ASTN2: variants seen among roughly 807,000 people sequenced by gnomAD.
ASTN2 encodes astrotactin 2, also known as astrotactin-2.
ASTN2 carries 54 observed loss-of-function variants against 139.8 expected under a neutral mutation model. That is an observed-to-expected ratio of 0.39 (90% CI 0.31 to 0.48). The LOEUF is 0.48. Among genes scored for constraint, ASTN2 ranks in the 20% least tolerant of loss-of-function variants. ASTN2 has a pLI of 0.95. For missense variants in ASTN2, 1,565 were observed against 1,725.1 expected, an observed-to-expected ratio of 0.91 and a Z score of 1.64; for synonymous variants, 756 against 719.5, an observed-to-expected ratio of 1.05 and a Z score of -0.81.
chr9:117,155,674 C>T (rs1830417793), intron 3 of ASTN2, among the ~76,000 whole-genome samples: 1 of 152,012 alleles, frequency 6.6e-6, no homozygotes, highest in African/African-American at 2.4e-5. Flanking sequence ...GTATCCTCCT[C>T]CTCTTCCTTA....
intron 12 of ASTN2, among the ~76,000 whole-genome samples, chr9:116,812,990 A>G (rs1372125125): frequency 6.6e-6 from 1 of 152,110 alleles, no homozygotes; most frequent in African/African-American, 2.4e-5. Flanking sequence ...AGGAAGGTTT[A>G]TGCTAAGGTC....
chr9:116,732,360 T>C (rs895077954), intron 14 of ASTN2, among the ~76,000 whole-genome samples: 2 of 152,174 alleles, frequency 1.3e-5, no homozygotes, highest in Non-Finnish European at 2.9e-5. Context: ...TCTATGCTCT[T>C]TTACAGGAAA....
At chr9:116,715,604 A>C (rs373456387) in intron 16 of ASTN2, among the ~76,000 whole-genome samples, 1 of 151,800 alleles carries the variant, frequency 6.6e-6, no homozygotes, top group African/African-American at 2.4e-5. Flanking sequence ...TCCACTCCCC[A>C]CCCTCCATAC....
chr9:116,721,410 C>T (rs10983320), intron 16 of ASTN2, among the ~76,000 whole-genome samples: 67,282 of 151,978 alleles, frequency 0.44, 15,293 homozygotes, highest in Admixed American at 0.56. Flanking sequence ...AGGGAGAATG[C>T]GTGAATATCA....
intron 17 of ASTN2, among the ~76,000 whole-genome samples, chr9:116,641,818 G>A (rs1376362103): frequency 1.3e-5 from 2 of 152,000 alleles, no homozygotes; most frequent in African/African-American, 4.8e-5. Context: ...TGAGTGTGTT[G>A]AGTAATATGT....
chr9:117,214,477 T>C lies in ASTN2; in HGVS notation c.896A>G (p.Glu299Gly). The change falls in exon 3 of 23, where the codon GAG becomes GGG. Residue 299 changes from glutamate to glycine, a missense_variant. Physicochemically the swap from Glu to Gly is moderately conservative, Grantham distance 98. Around this residue, in one of 4 missense-constraint regions of ASTN2, gnomAD observed 596 missense variants for 576.8 expected, o/e 1.03. Coordinates refer to ENST00000313400, the MANE Select transcript of ASTN2 (RefSeq NM_001365068.1). Reference sequence around the variant, plus strand: ...ATGGTTGGCCCGCCTAGGTGGCTCCTCATCCTCCTCACAGTCATAGTCATC... The same window carrying C: ...ATGGTTGGCCCGCCTAGGTGGCTCCCCATCCTCCTCACAGTCATAGTCATC... ...ILDDYDCEED[E>G]EPPRRANHVS... 6.2e-7 allele frequency: 1 copy of C among 1,614,210 alleles called. No individual in the cohort carries two copies.
intron 5 of ASTN2, among the ~76,000 whole-genome samples, chr9:117,092,305 T>C (rs1395295050): frequency 6.6e-6 from 1 of 152,134 alleles, no homozygotes; most frequent in African/African-American, 2.4e-5. Flanking sequence ...CAGTCTGAAC[T>C]GCAGTGCAGG....
intron 10 of ASTN2, among the ~76,000 whole-genome samples, chr9:116,942,654 C>T (rs111751403): frequency 1.7e-4 from 26 of 152,326 alleles, no homozygotes; most frequent in African/African-American, 5.3e-4. Context: ...AGGAACGGAT[C>T]GTGAGGGCTT....
intron 2 of ASTN2, among the ~76,000 whole-genome samples, chr9:117,220,799 T>G (rs1832489031): frequency 6.6e-6 from 1 of 152,176 alleles, no homozygotes; most frequent in African/African-American, 2.4e-5. Context: ...GTAATTTAAA[T>G]GGAAGCCCCA....
intron 10 of ASTN2, among the ~76,000 whole-genome samples, chr9:116,910,619 G>A (rs1834284755): frequency 6.6e-6 from 1 of 152,126 alleles, no homozygotes; most frequent in African/African-American, 2.4e-5. Context: ...GAGGCTTCTG[G>A]TAAATCCACC....
At chr9:116,862,674 T>G (rs1284121594) in intron 11 of ASTN2, among the ~76,000 whole-genome samples, 1 of 151,878 alleles carries the variant, frequency 6.6e-6, no homozygotes, top group Non-Finnish European at 1.5e-5. Flanking sequence ...TAGATTGAAA[T>G]GAAGCGATAA....
intron 3 of ASTN2, among the ~76,000 whole-genome samples, chr9:117,171,692 C>G (rs1456212106): frequency 6.6e-6 from 1 of 152,034 alleles, no homozygotes; most frequent in Non-Finnish European, 1.5e-5. Context: ...CTTCTTCTCT[C>G]TCCTACTGCC....
chr9:117,132,664 G>A (rs1829853590), intron 4 of ASTN2, among the ~76,000 whole-genome samples: 1 of 152,148 alleles, frequency 6.6e-6, no homozygotes, highest in Admixed American at 6.5e-5. Flanking sequence ...TGCTCTGACT[G>A]CTGATCAGCT....
At chr9:117,041,456 G>T (rs1469007982) in intron 5 of ASTN2, among the ~76,000 whole-genome samples, 2 of 152,138 alleles carry the variant, frequency 1.3e-5, no homozygotes, top group African/African-American at 4.8e-5. Flanking sequence ...CAGAAACTGA[G>T]ATGTCACCTT....
chr9:117,135,614 A>C (rs1441105431), intron 4 of ASTN2, among the ~76,000 whole-genome samples: 1 of 152,216 alleles, frequency 6.6e-6, no homozygotes, highest in Non-Finnish European at 1.5e-5. Context: ...TGAGAGCTGA[A>C]GAAGGTGACA....
At chr9:116,705,536 T>C (rs912440677) in intron 16 of ASTN2, among the ~76,000 whole-genome samples, 3 of 152,220 alleles carry the variant, frequency 2.0e-5, no homozygotes, top group Admixed American at 6.5e-5. Context: ...ATAACTATAA[T>C]GGCATTGCAT....
At chr9:116,535,367 G>C (rs1851570265) in intron 19 of ASTN2, among the ~76,000 whole-genome samples, 1 of 152,086 alleles carries the variant, frequency 6.6e-6, no homozygotes, top group South Asian at 2.1e-4. Context: ...TTACATTTAA[G>C]GTTAATATTG....
At chr9:116,774,633 C>G (rs560094464) in intron 13 of ASTN2, among the ~76,000 whole-genome samples, 2 of 151,608 alleles carry the variant, frequency 1.3e-5, no homozygotes, top group Non-Finnish European at 2.9e-5. Context: ...GGATTTGATC[C>G]CTGGCCATCT....
intron 10 of ASTN2, among the ~76,000 whole-genome samples, chr9:116,880,207 A>C (rs1833418301): frequency 6.6e-6 from 1 of 152,220 alleles, no homozygotes. Flanking sequence ...TATGTTTGTA[A>C]TAGAAAGAAA....
Sources: allele counts gnomAD v4.1 joint callset (sites outside exome capture counted in the v4.1 genomes callset), GRCh38; gene constraint gnomAD v4.1.1; regional missense constraint gnomAD v4.1.1; transcripts MANE v1.5; gene names NCBI Gene and HGNC (gene_info 2026-07-23, HGNC 2026-07-21).